STAG1: variants seen among roughly 807,000 people sequenced by gnomAD.
STAG1 encodes the protein cohesin subunit SA-1.
A neutral mutation model predicts 170.9 loss-of-function variants in STAG1; 26 were observed. The observed-to-expected ratio is 0.15, with a 90% confidence interval of 0.11 to 0.21. The LOEUF is 0.21. Among genes scored for constraint, STAG1 ranks in the 10% least tolerant of loss-of-function variants. The pLI is 1.00. For missense variants in STAG1, 964 were observed against 1,509.5 expected, an observed-to-expected ratio of 0.64 and a Z score of 5.99; for synonymous variants, 514 against 497.7, an observed-to-expected ratio of 1.03 and a Z score of -0.44.
intron 20 of STAG1, among the ~76,000 whole-genome samples, chr3:136,419,607 G>C (rs893929205): frequency 2.0e-5 from 3 of 148,274 alleles, no homozygotes; most frequent in Non-Finnish European, 4.5e-5. Context: ...ACCATGCCCG[G>C]CTAATTTTTG....
intron 5 of STAG1, among the ~76,000 whole-genome samples, chr3:136,566,341 G>A (rs1341870565): frequency 2.6e-5 from 4 of 152,132 alleles, no homozygotes; most frequent in Non-Finnish European, 5.9e-5. Context: ...ATGTGGAAGA[G>A]GGCCCTCACA....
chr3:136,500,319 A>T, intron 8 of STAG1, 23 bp from the exon 9 acceptor site: 1 of 1,475,916 alleles, frequency 6.8e-7, no homozygotes, highest in South Asian at 1.2e-5. Flanking sequence ...AATATATATA[A>T]GTTGAAATCC....
Position 136,460,682 on chromosome 3 carries a change from TC to T in STAG1, c.1313+4198del, listed in dbSNP as rs567900095. 7.6e-3 allele frequency among the ~76,000 whole-genome samples: 1,069 copies of T among 140,674 alleles called. 18 individuals carry two copies. Among genetic ancestry groups the T allele is most frequent in the African/African-American group, 0.025 (946 of 37,876 alleles). The allele number at this position is 140,674 out of a possible 152,430, so 92.3% of individuals were successfully genotyped here. ...ATGATACTGAAGCACTAATAAAGTC[TC>T]CCCCCCCAAAAAAAAAAGCCCGGTA... On this transcript the variant is annotated intron_variant, in intron 13 of 33. Transcript: ENST00000383202.
At chr3:136,620,556 T>C (rs1939796859) in intron 3 of STAG1, among the ~76,000 whole-genome samples, 1 of 152,214 alleles carries the variant, frequency 6.6e-6, no homozygotes, top group Non-Finnish European at 1.5e-5. Context: ...GTAAACTGCA[T>C]CTAAGACCTA....
chr3:136,641,640 T>A (rs1037836414), intron 1 of STAG1, among the ~76,000 whole-genome samples: 1 of 152,142 alleles, frequency 6.6e-6, no homozygotes, highest in Non-Finnish European at 1.5e-5. Context: ...CATGAAACAG[T>A]AAGGCTAAGG....
chr3:136,624,163 A>C (rs548269190), intron 2 of STAG1, among the ~76,000 whole-genome samples: 140 of 151,934 alleles, frequency 9.2e-4, no homozygotes, highest in Admixed American at 7.9e-3. Flanking sequence ...CAGTGGCACA[A>C]TCTCAGCTCA....
At chr3:136,461,707 GATTAT>G (rs1242886774) in intron 13 of STAG1, among the ~76,000 whole-genome samples, 4 of 151,974 alleles carry the variant, frequency 2.6e-5, no homozygotes, top group African/African-American at 9.7e-5. Context: ...AGACAAATGA[GATTAT>G]ATTAAGCAAA....
At chr3:136,565,160 G>GGGAAA (rs751672571) in intron 5 of STAG1, among the ~76,000 whole-genome samples, 284 of 150,700 alleles carry the variant, frequency 1.9e-3, no homozygotes, top group Middle Eastern at 3.4e-3. Context: ...AGAAGGGAAA[G>GGGAAA]GGAAAGGAAA....
intron 12 of STAG1, 149 bp downstream of exon 12, chr3:136,472,264 C>A: frequency 1.1e-5 from 5 of 474,410 alleles, no homozygotes; most frequent in South Asian, 6.3e-5. Context: ...AAACAGAAAA[C>A]ACTTTTTAAA....
chr3:136,544,274 A>T (rs1349129412), intron 5 of STAG1, among the ~76,000 whole-genome samples: 1 of 152,094 alleles, frequency 6.6e-6, no homozygotes, highest in Non-Finnish European at 1.5e-5. Flanking sequence ...AAATGTCTCA[A>T]CCCTGTCCCT....
Position 136,438,414 on chromosome 3 carries a change from G to A in STAG1, c.1547-4755C>T, listed in dbSNP as rs1040660711. On this transcript the variant is annotated intron_variant, in intron 15 of 33. Transcript: ENST00000383202. ...AACATTTTGGATTTTTAGTAGAAAC[G>A]GGGTTTCACCATGCTGGCCAGGCTG... Among the ~76,000 whole-genome samples, 6 of 151,894 alleles carry A rather than the reference G, an allele frequency of 4.0e-5. No individual in the cohort carries two copies. In the East Asian group the frequency reaches 5.8e-4, roughly 15 times the overall value.
At chr3:136,706,641 A>C (rs1310044786) in intron 1 of STAG1, among the ~76,000 whole-genome samples, 1 of 152,206 alleles carries the variant, frequency 6.6e-6, no homozygotes, top group African/African-American at 2.4e-5. Context: ...ATACTCTCCA[A>C]AACAACGTAC....
intron 1 of STAG1, among the ~76,000 whole-genome samples, chr3:136,680,954 A>G (rs1942313654): frequency 6.8e-6 from 1 of 146,916 alleles, no homozygotes; most frequent in African/African-American, 2.5e-5. Flanking sequence ...ATGATGTAGT[A>G]TTTGCATATA....
chr3:136,531,077 C>A (rs1316047301), intron 6 of STAG1, among the ~76,000 whole-genome samples: 1 of 152,158 alleles, frequency 6.6e-6, no homozygotes, highest in Non-Finnish European at 1.5e-5. Context: ...GCACTCTAGC[C>A]TGGGCAACAA....
intron 5 of STAG1, among the ~76,000 whole-genome samples, chr3:136,551,671 G>A (rs1936412216): frequency 2.0e-5 from 3 of 151,496 alleles, no homozygotes; most frequent in African/African-American, 7.3e-5. Flanking sequence ...GAAGTGCAGT[G>A]GCAAAATCAT....
chr3:136,430,206 G>T (rs2088256115), intron 16 of STAG1: 1 of 152,114 alleles, frequency 6.6e-6, no homozygotes, highest in Non-Finnish European at 1.5e-5. Context: ...GACTGTGCAG[G>T]TCAGTGCCAC....
chr3:136,357,017 G>A (rs1475380556), intron 28 of STAG1, among the ~76,000 whole-genome samples: 1 of 151,202 alleles, frequency 6.6e-6, no homozygotes, highest in Non-Finnish European at 1.5e-5. Flanking sequence ...GTGCGATCTC[G>A]GCTCACTGCA....
chr3:136,476,858 T>A (rs2089763843), intron 10 of STAG1, among the ~76,000 whole-genome samples: 1 of 152,182 alleles, frequency 6.6e-6, no homozygotes, highest in South Asian at 2.1e-4. Context: ...CAGAATTAGA[T>A]TTTTAGATCA....
At position 136,622,135 on chromosome 3, in the gene STAG1, T is replaced by TAAAA. The variant is rs75542452; in HGVS notation, c.132+1007_132+1010dup. ...CAACATGACGAAACCCCATCTCTAC[T>TAAAA]AAAAAAAAAAAAAAAAAAAAAAAGA... is the stretch of plus-strand genomic sequence containing the variant. On this transcript the variant is annotated intron_variant, in intron 3 of 33. Coordinates refer to ENST00000383202, the MANE Select transcript of STAG1 (RefSeq NM_005862.3). Among the ~76,000 whole-genome samples, 125 of 92,724 alleles carry TAAAA rather than the reference T, an allele frequency of 1.3e-3. 1 individual carries two copies. The highest frequency in any genetic ancestry group is 2.4e-3 in the Admixed American group (20 of 8,330). The allele number at this position is 92,724 out of a possible 152,430, so 60.8% of individuals were successfully genotyped here.
Sources: gnomAD v4.1 joint callset for allele counts (sites outside exome capture counted in the v4.1 genomes callset) on GRCh38, gnomAD v4.1.1 for gene constraint, MANE v1.5 for transcripts, NCBI Gene and HGNC (gene_info 2026-07-23, HGNC 2026-07-21) for gene names.